MYPN: variants seen among roughly 807,000 people sequenced by gnomAD.
MYPN encodes myopalladin.
MYPN carries 63 observed loss-of-function variants against 129.4 expected under a neutral mutation model. The observed-to-expected ratio is 0.49, with a 90% CI of 0.40 to 0.60. The LOEUF (loss-of-function observed/expected upper bound fraction) is 0.60. Ranked by LOEUF, MYPN falls within the 20% of genes least tolerant of loss-of-function variation. The pLI, the probability that MYPN is intolerant of heterozygous loss-of-function variation, is 0.00. For missense variants in MYPN, 1,596 were observed against 1,635.4 expected (o/e 0.98, Z 0.42); for synonymous variants, 629 against 600.9 (o/e 1.05, Z -0.68).
intron 8 of MYPN, chr10:68,165,416 C>A: frequency 4.2e-6 from 2 of 481,628 alleles, no homozygotes; most frequent in Non-Finnish European, 4.1e-6. Flanking sequence ...CTTGCCACTG[C>A]GCTCCAGCCT....
At chr10:68,205,001 G>C (rs559902648) in intron 18 of MYPN, among the ~76,000 whole-genome samples, 9 of 152,208 alleles carry the variant, frequency 5.9e-5, no homozygotes, top group African/African-American at 2.2e-4. Context: ...CACCATCCCT[G>C]TGAGTTTCCA....
intron 8 of MYPN, 178 bp downstream of exon 8, chr10:68,161,930 A>T: frequency 2.0e-6 from 1 of 498,726 alleles, no homozygotes. Flanking sequence ...TGCGAGGCCG[A>T]GGCGGGCGGA....
At chr10:68,142,338 A>C (rs1262936140) in intron 2 of MYPN, among the ~76,000 whole-genome samples, 2 of 152,228 alleles carry the variant, frequency 1.3e-5, no homozygotes, top group African/African-American at 4.8e-5. Flanking sequence ...GGCTGTAATA[A>C]AAATTTCTAA....
chr10:68,152,762 G>A (rs541895171), intron 6 of MYPN, among the ~76,000 whole-genome samples: 9 of 152,032 alleles, frequency 5.9e-5, no homozygotes, highest in African/African-American at 2.2e-4. Flanking sequence ...TCAGCCTCCA[G>A]AGTAGCTGGA....
intron 1 of MYPN, among the ~76,000 whole-genome samples, chr10:68,093,386 G>T (rs1253038206): frequency 6.6e-6 from 1 of 152,018 alleles, no homozygotes; most frequent in African/African-American, 2.4e-5. Context: ...AGCGTTCTTG[G>T]ATCAAGAAAG....
intron 8 of MYPN, among the ~76,000 whole-genome samples, chr10:68,162,678 G>C (rs951839809): frequency 2.6e-5 from 4 of 152,152 alleles, no homozygotes; most frequent in Admixed American, 6.5e-5. Flanking sequence ...TCTTCAGGCC[G>C]GGCATGGTGG....
At chr10:68,107,033 T>G (rs560859370), upstream of MYPN, among the ~76,000 whole-genome samples, 4 of 152,360 alleles carry the variant, frequency 2.6e-5, no homozygotes, top group Non-Finnish European at 5.9e-5. Flanking sequence ...ATCAATAAAC[T>G]CTGATGAAAT....
intron 6 of MYPN, among the ~76,000 whole-genome samples, chr10:68,152,326 T>G (rs2042785245): frequency 6.6e-6 from 1 of 152,132 alleles, no homozygotes. Context: ...CATCATGACC[T>G]GAACTAGTTT....
intron 15 of MYPN, 126 bp from the exon 16 acceptor site, chr10:68,197,226 C>T: frequency 1.1e-6 from 1 of 924,382 alleles, no homozygotes; most frequent in South Asian, 1.5e-5. Flanking sequence ...ATAGTCCAGC[C>T]TCCCCTTTCC....
Position 68,091,719 on chromosome 10 carries a change from G to GT in MYPN, c.-2+3737dup, listed in dbSNP as rs58191983. On this transcript the variant is annotated intron_variant, in intron 1 of 6. Coordinates refer to the MYPN transcript ENST00000685154. ...CCTAGACTACAGCCCAAATTTGCTC[G>GT]TTTTTTTTTTATTTTCCTTCTTTTG... 0.024 allele frequency among the ~76,000 whole-genome samples: 3,566 copies of GT among 148,706 alleles called. 347 individuals are homozygous for GT. The East Asian group carries it at 0.33, about 14-fold the overall frequency.
rs1223935683 is a variant in MYPN, at chr10:68,189,118, G to C, written c.2917G>C (p.Val973Leu). The change falls in exon 13 of 20, where the codon GTT (valine) becomes CTT (leucine). Residue 973 changes from valine to leucine, a missense_variant. Physicochemically the swap from Val to Leu is conservative, Grantham distance 32. Transcript: ENST00000358913. ...CACCTGCAAAATTGTTGGGATACCT[G>C]TTCCAAAGGTAGGGAAGATGACAAG... ...TFTCKIVGIP[V>L]PKVYWFKDGK... 1 of 1,613,254 alleles carries C rather than the reference G, an allele frequency of 6.2e-7. No homozygotes were observed. Among genetic ancestry groups the C allele is most frequent in the Non-Finnish European group, 8.5e-7 (1 of 1,179,262 alleles).
At chr10:68,098,956 C>G (rs1031168817) in intron 1 of MYPN, among the ~76,000 whole-genome samples, 4 of 152,152 alleles carry the variant, frequency 2.6e-5, no homozygotes, top group African/African-American at 9.7e-5. Flanking sequence ...GTTCACGAAG[C>G]AATTACATAT....
At position 68,210,324 on chromosome 10, in the gene MYPN, C is replaced by A. The variant is rs763054747; in HGVS notation, c.3832C>A (p.Arg1278=). 4.3e-6 allele frequency: 7 copies of A among 1,613,970 alleles called. No homozygotes were observed. Among genetic ancestry groups the A allele is most frequent in the Middle Eastern group, 1.7e-4 (1 of 5,898 alleles). The change falls in exon 20 of 20, where the codon CGG becomes AGG. Residue 1278 remains arginine (R), a synonymous_variant. Coordinates refer to ENST00000358913, the MANE Select transcript of MYPN (RefSeq NM_032578.4). ...HHQIPPPMSV[R]PSGSRYGSLT... ...TCAGATCCCACCGCCCATGTCTGTC[C>A]GGCCCAGTGGCAGTCGCTACGGATC... is the stretch of plus-strand genomic sequence containing the variant.
chr10:68,114,742 A>G (rs1156869843), intron 1 of MYPN, among the ~76,000 whole-genome samples: 1 of 152,212 alleles, frequency 6.6e-6, no homozygotes, highest in Non-Finnish European at 1.5e-5. Flanking sequence ...TTAGGAAAGT[A>G]AAGGAAGTAA....
rs767214381 is a variant in MYPN at position 68,210,532 on chromosome 10, A to G, written c.*77A>G. 7 of 1,571,368 alleles carry G rather than the reference A, an allele frequency of 4.5e-6. No individual in the cohort carries two copies. In the South Asian group the frequency reaches 7.8e-5, roughly 17 times the overall value. On this transcript the variant is annotated 3_prime_UTR_variant, in exon 20 of 20. Coordinates refer to ENST00000358913, the MANE Select transcript of MYPN (RefSeq NM_032578.4). Reference sequence around the variant, plus strand: ...GAACAAGCCAGACTTGGTGGTTTCCAAGCAACCGAAGTTGAGTAAGTTCCC... The same window carrying G: ...GAACAAGCCAGACTTGGTGGTTTCCGAGCAACCGAAGTTGAGTAAGTTCCC...
At chr10:68,205,154 A>AT (rs2043793001) in intron 18 of MYPN, among the ~76,000 whole-genome samples, 2 of 152,106 alleles carry the variant, frequency 1.3e-5, no homozygotes, top group Admixed American at 1.3e-4. Flanking sequence ...ACAGTGTTAC[A>AT]TTTTTCTGTG....
intron 2 of MYPN, among the ~76,000 whole-genome samples, chr10:68,138,086 G>A (rs192178636): frequency 0.012 from 1,832 of 150,746 alleles, 23 homozygotes; most frequent in South Asian, 0.044. Context: ...TGGTGAAATG[G>A]AATTTTTCTT....
intron 1 of MYPN, among the ~76,000 whole-genome samples, chr10:68,114,605 T>C (rs1010989223): frequency 8.5e-5 from 13 of 152,200 alleles, no homozygotes; most frequent in Admixed American, 6.5e-4. Context: ...TGGCTCGGCC[T>C]CCCAAAGTGC....
At chr10:68,195,152 T>A (rs1208824730) in intron 14 of MYPN, among the ~76,000 whole-genome samples, 1 of 152,220 alleles carries the variant, frequency 6.6e-6, no homozygotes, top group Non-Finnish European at 1.5e-5. Flanking sequence ...TTGGCCATGC[T>A]TTCTAAATTT....
Sources: gnomAD v4.1 joint callset for allele counts (sites outside exome capture counted in the v4.1 genomes callset) on GRCh38, gnomAD v4.1.1 for gene constraint, MANE v1.5 for transcripts, NCBI Gene and HGNC (gene_info 2026-07-23, HGNC 2026-07-21) for gene names.